SLC2A4RG: variants seen among roughly 807,000 people sequenced by gnomAD.
SLC2A4RG encodes SLC2A4 regulator.
Under a neutral mutation model 35.5 loss-of-function variants are expected in SLC2A4RG, and 23 were observed. That is an observed-to-expected ratio of 0.65 (90% CI 0.47 to 0.92). The LOEUF (loss-of-function observed/expected upper bound fraction) is 0.92. Among genes scored for constraint, SLC2A4RG ranks in the 40% least tolerant of loss-of-function variants. The pLI is 0.00. For synonymous variants in SLC2A4RG, 306 were observed against 243.7 expected, an observed-to-expected ratio of 1.26 and a Z score of -2.38; for missense variants, 539 against 525.0, an observed-to-expected ratio of 1.03 and a Z score of -0.26.
chr20:63,743,096 G>C lies in SLC2A4RG; in HGVS notation c.*106G>C. On this transcript the variant is annotated 3_prime_UTR_variant, in exon 8 of 8. Transcript: ENST00000266077. ...CAGCCCCAGGGGCTGGCTTTCACCA[G>C]CTGCAGGGTCTGCTTTTACTTGGGG... is the stretch of plus-strand genomic sequence containing the variant. The C allele has an allele frequency of 8.1e-6, 3 of 369,776 alleles. No individual in the cohort carries two copies. Among genetic ancestry groups the C allele is most frequent in the East Asian group, 6.5e-5 (1 of 15,352 alleles). 22.9% of individuals were successfully genotyped at this position (369,776 alleles called of 1,614,324 possible). A position where few individuals can be genotyped will look rare whatever the true frequency, so the allele number is the denominator to read the frequency against.
At chr20:63,740,902 C>G (rs2092038100) in intron 2 of SLC2A4RG, among the ~76,000 whole-genome samples, 1 of 152,160 alleles carries the variant, frequency 6.6e-6, no homozygotes, top group Non-Finnish European at 1.5e-5. Context: ...GGGGCGGGCC[C>G]TGGCCTGGCT....
intron 3 of SLC2A4RG, 108 bp from the exon 4 acceptor site, chr20:63,741,761 A>ACGCTCTGCCCACC (rs2092042776): frequency 1.4e-6 from 2 of 1,444,212 alleles, no homozygotes; most frequent in Non-Finnish European, 1.8e-6. Context: ...CTCCTCCAAG[A>ACGCTCTGCCCACC]CGCTCTGCCC....
chr20:63,742,059 G>T lies in SLC2A4RG; in HGVS notation c.579+3G>T. Reference sequence around the variant, plus strand: ...AGCCCACCCTGAGAAAAAGGAAGGTGAGCTTGGGGGCGGCCCCCAGGGAGG... The same window carrying T: ...AGCCCACCCTGAGAAAAAGGAAGGTTAGCTTGGGGGCGGCCCCCAGGGAGG... On this transcript the variant is annotated splice_donor_region_variant and intron_variant, in intron 4 of 7. Transcript: ENST00000266077. The T allele has an allele frequency of 6.2e-7, 1 of 1,611,254 alleles. No homozygotes were observed. The highest frequency in any genetic ancestry group is 1.1e-5 in the South Asian group (1 of 91,014).
Position 63,739,838 on chromosome 20 carries a change from AGCCCGGCCCG to A in SLC2A4RG, c.-68_-59del. ...CAGGGCGGGGGTCGGCGGCCCGGCC[AGCCCGGCCCG>A]GCCCGGGGCCGCGTCCTGAGAGTCA... On this transcript the variant is annotated 5_prime_UTR_variant, in exon 1 of 8. Coordinates refer to ENST00000266077, the MANE Select transcript of SLC2A4RG (RefSeq NM_020062.4). The A allele has an allele frequency of 1.0e-6, 1 of 968,852 alleles. No individual in the cohort carries two copies. 60.0% of individuals were successfully genotyped at this position (968,852 alleles called of 1,614,324 possible). A position where few individuals can be genotyped will look rare whatever the true frequency, so the allele number is the denominator to read the frequency against.
chr20:63,743,991 G>A lies in SLC2A4RG; in HGVS notation c.*1001G>A, dbSNP rs1237579414. The A allele has an allele frequency of 2.0e-5, 3 of 152,070 alleles. No individual in the cohort carries two copies. Among genetic ancestry groups the A allele is most frequent in the African/African-American group, 7.3e-5 (3 of 41,026 alleles). 9.4% of individuals were successfully genotyped at this position (152,070 alleles called of 1,614,324 possible). On this transcript the variant is annotated 3_prime_UTR_variant, in exon 8 of 8. Coordinates refer to ENST00000266077, the MANE Select transcript of SLC2A4RG (RefSeq NM_020062.4). Reference sequence around the variant, plus strand: ...TTCAAACACTGCCCTTTTTTTGTGTGTTTTGTTTTTGTTGACAGGTTGAAA... The same window carrying A: ...TTCAAACACTGCCCTTTTTTTGTGTATTTTGTTTTTGTTGACAGGTTGAAA...
In SLC2A4RG at chr20:63,742,609, C is replaced by T. The variant is rs766167629; in HGVS notation, c.954C>T (p.Val318=). The change falls in exon 6 of 8, where the codon GTC becomes GTT. Residue 318 remains valine, a synonymous_variant. Coordinates refer to ENST00000266077, the MANE Select transcript of SLC2A4RG (RefSeq NM_020062.4). ...CCCAGTCCTGTCACAGTGACCGTGT[C>T]TACCAGGTGGGTGAGGCCACGGGTG... ...ANPQSCHSDR[V]YQGCLTPARL... 6.3e-6 allele frequency: 10 copies of T among 1,576,294 alleles called. No individual in the cohort carries two copies. Among genetic ancestry groups the T allele is most frequent in the Admixed American group, 5.2e-5 (3 of 58,216 alleles).
chr20:63,742,137 C>T lies in SLC2A4RG; in HGVS notation c.587C>T (p.Ala196Val). The stretch of plus-strand genomic sequence containing the variant: ...TGGCCCCTGTTGCTGCAGAGCCCGG[C>T]CCAGGTCATGTTCCAGTGTCTGTGG... ...EPTLRKRKSP[A>V]QVMFQCLWKS... The change falls in exon 5 of 8, where the codon GCC becomes GTC. Residue 196 changes from alanine to valine, a missense_variant. Ala to Val is a moderately conservative substitution (Grantham distance 64). Transcript: ENST00000266077. 6.2e-7 allele frequency: 1 copy of T among 1,604,018 alleles called. No individual in the cohort carries two copies. The highest frequency in any genetic ancestry group is 1.1e-5 in the South Asian group (1 of 89,872).
Position 63,742,798 on chromosome 20 carries a change from TGGGCTGA to T in SLC2A4RG, c.1052+13_1052+19del, listed in dbSNP as rs780296823. On this transcript the variant is annotated intron_variant, in intron 7 of 7. Coordinates refer to ENST00000266077, the MANE Select transcript of SLC2A4RG (RefSeq NM_020062.4). ...GATCGGAGTCACCCTGAGGTGCGTG[TGGGCTGA>T]GGGCCTGCGGCTGGCACCAGGTGGG... 45 of 1,578,242 alleles carry T rather than the reference TGGGCTGA, an allele frequency of 2.9e-5. No individual in the cohort carries two copies. The highest frequency in any genetic ancestry group is 3.6e-5 in the Non-Finnish European group (42 of 1,161,610).
rs1378921332 is a variant in SLC2A4RG, at chr20:63,742,474, C to T, written c.819C>T (p.Phe273=). 1 of 1,587,918 alleles carries T rather than the reference C, an allele frequency of 6.3e-7. No individual in the cohort carries two copies. Among genetic ancestry groups the T allele is most frequent in the Non-Finnish European group, 8.6e-7 (1 of 1,167,878 alleles). ...CCACGGCCTCCATGCCGCCTGCCTTCCCCCGCCTGGAGCTGCCAGAGCTGC... is the reference window on the plus strand; with the variant it reads ...CCACGGCCTCCATGCCGCCTGCCTTTCCCCGCCTGGAGCTGCCAGAGCTGC... ...VSPTASMPPA[F]PRLELPELLE... is the part of the protein sequence containing the mutation. Residue 273 remains phenylalanine (F), a synonymous_variant, in exon 6 of 8, where the codon TTC becomes TTT. Transcript: ENST00000266077.
intron 2 of SLC2A4RG, chr20:63,741,144 A>C: frequency 1.8e-6 from 1 of 565,894 alleles, no homozygotes; most frequent in Non-Finnish European, 3.2e-6. Context: ...CAAGCCCGCG[A>C]TGTGGAGAAC....
In SLC2A4RG at chr20:63,743,038, C is replaced by G; in HGVS notation, c.*48C>G. Reference sequence around the variant, plus strand: ...AGCTACCACCTTCTCCCTCCCCACCCCCTCCAGGCCCGGGGCTGAAACAGC... The same window carrying G: ...AGCTACCACCTTCTCCCTCCCCACCGCCTCCAGGCCCGGGGCTGAAACAGC... On this transcript the variant is annotated 3_prime_UTR_variant, in exon 8 of 8. Transcript: ENST00000266077. 1 of 1,468,288 alleles carries G rather than the reference C, an allele frequency of 6.8e-7. No individual in the cohort carries two copies. Among genetic ancestry groups the G allele is most frequent in the Middle Eastern group, 1.8e-4 (1 of 5,622 alleles). The allele number at this position is 1,468,288 out of a possible 1,614,324, so 91.0% of individuals were successfully genotyped here. A position where few individuals can be genotyped will look rare whatever the true frequency, so the allele number is the denominator to read the frequency against.
In SLC2A4RG at chr20:63,741,416, G is replaced by T; in HGVS notation, c.328G>T (p.Ala110Ser). Residue 110 changes from alanine to serine, a missense_variant, in exon 3 of 8, where the codon GCC becomes TCC. By Grantham distance (99) the Ala-to-Ser change is moderately conservative. Transcript: ENST00000266077. ...ARLDEVMAAAALTSLSTSPLL... is the reference protein window; with the variant it reads ...ARLDEVMAAASLTSLSTSPLL... ...GCTGGACGAGGTCATGGCTGCCGCTGCCCTTACAAGCCTGTCCACCAGCCC... is the reference window on the plus strand; with the variant it reads ...GCTGGACGAGGTCATGGCTGCCGCTTCCCTTACAAGCCTGTCCACCAGCCC... The T allele has an allele frequency of 6.2e-7, 1 of 1,613,242 alleles. No individual in the cohort carries two copies. The highest frequency in any genetic ancestry group is 8.5e-7 in the Non-Finnish European group (1 of 1,179,946).
intron 3 of SLC2A4RG, 122 bp downstream of exon 3, chr20:63,741,601 C>G (rs1315328684): frequency 8.8e-7 from 1 of 1,137,242 alleles, no homozygotes; most frequent in Non-Finnish European, 1.2e-6. Flanking sequence ...AAAATGGACT[C>G]CCGCACCCTC....
intron 1 of SLC2A4RG, 101 bp from the exon 2 acceptor site, chr20:63,740,276 C>A: frequency 1.2e-6 from 1 of 833,844 alleles, no homozygotes; most frequent in Non-Finnish European, 1.6e-6. Flanking sequence ...CGGCCGCAGC[C>A]GGTTTTCGAG....
chr20:63,741,047 T>TG (rs945098217), intron 2 of SLC2A4RG, among the ~76,000 whole-genome samples: 5 of 152,078 alleles, frequency 3.3e-5, no homozygotes, highest in Non-Finnish European at 7.4e-5. Flanking sequence ...TAATGTGTGA[T>TG]GGGGGGAGGC....
Position 63,739,838 on chromosome 20 carries a change from A to G in SLC2A4RG, c.-75A>G, listed in dbSNP as rs1157261052. The G allele has an allele frequency of 6.2e-6, 6 of 968,816 alleles. No individual in the cohort carries two copies. Among genetic ancestry groups the G allele is most frequent in the East Asian group, 2.6e-4 (2 of 7,684 alleles). The allele number at this position is 968,816 out of a possible 1,614,324, so 60.0% of individuals were successfully genotyped here. On this transcript the variant is annotated 5_prime_UTR_variant, in exon 1 of 8. Transcript: ENST00000266077. ...CAGGGCGGGGGTCGGCGGCCCGGCCAGCCCGGCCCGGCCCGGGGCCGCGTC... is the reference window on the plus strand; with the variant it reads ...CAGGGCGGGGGTCGGCGGCCCGGCCGGCCCGGCCCGGCCCGGGGCCGCGTC...
chr20:63,741,929 G>T lies in SLC2A4RG; in HGVS notation c.452G>T (p.Ser151Ile), dbSNP rs1297000508. The T allele has an allele frequency of 1.2e-6, 2 of 1,612,454 alleles. No individual in the cohort carries two copies. Among genetic ancestry groups the T allele is most frequent in the African/African-American group, 2.7e-5 (2 of 74,938 alleles). ...LVRPPGSYSS[S>I]SNSGDWGWDL... ...CGGCCCCCAGGCAGCTACAGCAGCA[G>T]CAGCAACAGTGGAGACTGGGGATGG... The change falls in exon 4 of 8, where the codon AGC (serine) becomes ATC (isoleucine). Residue 151 changes from serine (S) to isoleucine (I), a missense_variant. Transcript: ENST00000266077.
chr20:63,740,489 G>C lies in SLC2A4RG; in HGVS notation c.239G>C (p.Gly80Ala), dbSNP rs1255510019. 22 of 1,229,846 alleles carry C rather than the reference G, an allele frequency of 1.8e-5. No individual in the cohort carries two copies. The highest frequency in any genetic ancestry group is 1.9e-5 in the Non-Finnish European group (19 of 986,230). 76.2% of individuals were successfully genotyped at this position (1,229,846 alleles called of 1,614,324 possible). Residue 80 changes from glycine (G) to alanine (A), a missense_variant, in exon 2 of 8, where the codon GGG becomes GCG. By Grantham distance (60) the Gly-to-Ala change is moderately conservative. Coordinates refer to ENST00000266077, the MANE Select transcript of SLC2A4RG (RefSeq NM_020062.4). ...APRTWTGAAA[G>A]PRTPSAHIPV... Reference sequence around the variant, plus strand: ...CGGACGTGGACGGGGGCGGCGGCGGGGCCCCGGACTCCGTCGGCGCACATC... The same window carrying C: ...CGGACGTGGACGGGGGCGGCGGCGGCGCCCCGGACTCCGTCGGCGCACATC...
Position 63,741,363 on chromosome 20 carries a change from C to T in SLC2A4RG, c.282-7C>T, listed in dbSNP as rs367552968. 23 of 1,611,998 alleles carry T rather than the reference C, an allele frequency of 1.4e-5. No individual in the cohort carries two copies. Among genetic ancestry groups the T allele is most frequent in the Middle Eastern group, 1.7e-4 (1 of 5,722 alleles). ...GGTCACCCGCACCCCGCCCCCATCTCCTCCAGAGCCACCCCAGGAAAAGCC... is the reference window on the plus strand; with the variant it reads ...GGTCACCCGCACCCCGCCCCCATCTTCTCCAGAGCCACCCCAGGAAAAGCC... On this transcript the variant is annotated splice_polypyrimidine_tract_variant and splice_region_variant and intron_variant, in intron 2 of 7. Coordinates refer to ENST00000266077, the MANE Select transcript of SLC2A4RG (RefSeq NM_020062.4).
Sources: gnomAD v4.1 joint callset for allele counts (sites outside exome capture counted in the v4.1 genomes callset) on GRCh38, gnomAD v4.1.1 for gene constraint, MANE v1.5 for transcripts, NCBI Gene and HGNC (gene_info 2026-07-23, HGNC 2026-07-21) for gene names.